Variants in SNAP25 observed in about 807,000 individuals in gnomAD.
SNAP25 encodes the protein synaptosome associated protein 25, also known as synaptosomal-associated protein 25.
A neutral mutation model predicts 28.7 loss-of-function variants in SNAP25; 3 were observed. That is an observed-to-expected ratio of 0.10 (90% CI 0.05 to 0.27). The LOEUF is 0.27. SNAP25 is among the 10% of genes least tolerant of loss of function. The pLI, the probability that SNAP25 is intolerant of heterozygous loss-of-function variation, is 1.00. For synonymous variants in SNAP25, 61 were observed against 88.1 expected (o/e 0.69, Z 1.72); for missense variants, 117 against 278.7 (o/e 0.42, Z 4.13).
chr20:10,291,001 C>A (rs2063985553), intron 4 of SNAP25, among the ~76,000 whole-genome samples: 1 of 152,116 alleles, frequency 6.6e-6, no homozygotes, highest in Non-Finnish European at 1.5e-5. Flanking sequence ...GGAGTGAAAT[C>A]CTTAGAAAAG....
rs1249345952 is a variant in SNAP25 at position 10,237,237 on chromosome 20, A to G, written c.-64+18260A>G. ...ACCTCTCTCAGAGAGAGTGTACAAC[A>G]TGCCTGGATTGCCTAACCTGAAAGG... On this transcript the variant is annotated intron_variant, in intron 1 of 7. Coordinates refer to ENST00000254976, the MANE Select transcript of SNAP25 (RefSeq NM_130811.4). Among the ~76,000 whole-genome samples the G allele has an allele frequency of 3.3e-5, 5 of 152,216 alleles. No homozygotes were observed. In the East Asian group the frequency reaches 9.7e-4, roughly 30 times the overall value.
chr20:10,269,170 G>A (rs1277043801), intron 1 of SNAP25, among the ~76,000 whole-genome samples: 3 of 152,152 alleles, frequency 2.0e-5, no homozygotes, highest in African/African-American at 7.2e-5. Context: ...GGCACTTTGG[G>A]AGGTCAGGGC....
At chr20:10,300,052 C>G (rs967622623) in intron 7 of SNAP25, among the ~76,000 whole-genome samples, 2 of 152,112 alleles carry the variant, frequency 1.3e-5, no homozygotes, top group Admixed American at 1.3e-4. Context: ...TCCAGTTTAA[C>G]AGTTCACATC....
intron 7 of SNAP25, among the ~76,000 whole-genome samples, chr20:10,299,614 T>C (rs2064187814): frequency 6.6e-6 from 1 of 152,142 alleles, no homozygotes; most frequent in Non-Finnish European, 1.5e-5. Context: ...TCAAATTTAA[T>C]CCAGCAAATA....
At chr20:10,259,772 A>T (rs1022688381) in intron 1 of SNAP25, among the ~76,000 whole-genome samples, 1 of 152,156 alleles carries the variant, frequency 6.6e-6, no homozygotes, top group Non-Finnish European at 1.5e-5. Context: ...CATGGCCTCA[A>T]GCAATCCTCC....
intron 1 of SNAP25, among the ~76,000 whole-genome samples, chr20:10,238,802 G>T (rs1423799614): frequency 7.2e-5 from 11 of 152,044 alleles, no homozygotes; most frequent in Admixed American, 7.2e-4. Context: ...CTACTCAGGA[G>T]GCTGAGGCAG....
chr20:10,243,442 T>C (rs1034198540), intron 1 of SNAP25, among the ~76,000 whole-genome samples: 2 of 152,204 alleles, frequency 1.3e-5, no homozygotes, highest in African/African-American at 2.4e-5. Context: ...AGGACCAATC[T>C]GGGGCACCAC....
chr20:10,300,944 A>C (rs1600795608), intron 7 of SNAP25, among the ~76,000 whole-genome samples: 1 of 152,302 alleles, frequency 6.6e-6, no homozygotes, highest in Non-Finnish European at 1.5e-5. Flanking sequence ...AATGAACTAA[A>C]AAATCATTGC....
intron 1 of SNAP25, among the ~76,000 whole-genome samples, chr20:10,273,223 T>TAAA (rs1376990298): frequency 6.6e-6 from 1 of 152,136 alleles, no homozygotes; most frequent in Admixed American, 6.5e-5. Flanking sequence ...ATAATAATAA[T>TAAA]AAACATGGTA....
intron 1 of SNAP25, among the ~76,000 whole-genome samples, chr20:10,243,412 T>G (rs1305933267): frequency 6.6e-6 from 1 of 152,166 alleles, no homozygotes; most frequent in African/African-American, 2.4e-5. Context: ...GCTTTTCAAT[T>G]AGTGTTTCTT....
At chr20:10,274,755 A>G (rs1200235626) in intron 1 of SNAP25, among the ~76,000 whole-genome samples, 1 of 152,166 alleles carries the variant, frequency 6.6e-6, no homozygotes, top group Non-Finnish European at 1.5e-5. Flanking sequence ...AGGCAGGAGA[A>G]TGGCGTGAAC....
intron 3 of SNAP25, among the ~76,000 whole-genome samples, chr20:10,283,836 T>C (rs1194891499): frequency 7.2e-5 from 11 of 152,164 alleles, no homozygotes; most frequent in Admixed American, 6.5e-4. Flanking sequence ...CCCTGTAAAA[T>C]GGAAGGCATT....
At chr20:10,291,507 C>T (rs2063998416) in intron 4 of SNAP25, among the ~76,000 whole-genome samples, 1 of 152,190 alleles carries the variant, frequency 6.6e-6, no homozygotes, top group Non-Finnish European at 1.5e-5. Context: ...TTTCACCTGT[C>T]ATTTCAAAAG....
rs144137358 is a variant in SNAP25, at chr20:10,249,536, C to A, written c.-63-25893C>A. ...TCCTTACAAGAAAAAAAATAACCCTCCTGTGATGGCAGAGCCTCTGTGATG... is the reference window on the plus strand; with the variant it reads ...TCCTTACAAGAAAAAAAATAACCCTACTGTGATGGCAGAGCCTCTGTGATG... On this transcript the variant is annotated intron_variant, in intron 1 of 7. Coordinates refer to ENST00000254976, the MANE Select transcript of SNAP25 (RefSeq NM_130811.4). Among the ~76,000 whole-genome samples the A allele has an allele frequency of 2.6e-5, 4 of 152,266 alleles. No individual in the cohort carries two copies. In the East Asian group the frequency reaches 7.7e-4, roughly 29 times the overall value.
At chr20:10,297,920 A>T (rs2123149150) in intron 6 of SNAP25, among the ~76,000 whole-genome samples, 1 of 152,264 alleles carries the variant, frequency 6.6e-6, no homozygotes, top group South Asian at 2.1e-4. Flanking sequence ...TGAAACCTAG[A>T]ATCAAAAGCC....
intron 1 of SNAP25, among the ~76,000 whole-genome samples, chr20:10,237,817 C>T (rs1316334823): frequency 6.6e-6 from 1 of 152,144 alleles, no homozygotes; most frequent in Non-Finnish European, 1.5e-5. Context: ...CTTTAAAGCC[C>T]AAGCTCTATC....
chr20:10,267,232 G>A (rs1005129835), intron 1 of SNAP25, among the ~76,000 whole-genome samples: 1 of 152,006 alleles, frequency 6.6e-6, no homozygotes, highest in Non-Finnish European at 1.5e-5. Context: ...GTAAGATACA[G>A]CCACAGTAAC....
chr20:10,247,206 A>T (rs1436372291), intron 1 of SNAP25, among the ~76,000 whole-genome samples: 1 of 152,202 alleles, frequency 6.6e-6, no homozygotes. Context: ...AGAGCACCCT[A>T]GTTCTTCCCA....
chr20:10,254,038 C>T (rs2063276975), intron 1 of SNAP25, among the ~76,000 whole-genome samples: 1 of 152,210 alleles, frequency 6.6e-6, no homozygotes, highest in African/African-American at 2.4e-5. Context: ...ATTGCTCAGC[C>T]TGAGCTACAA....
Sources: allele counts gnomAD v4.1 joint callset (sites outside exome capture counted in the v4.1 genomes callset), GRCh38; gene constraint gnomAD v4.1.1; transcripts MANE v1.5; gene names NCBI Gene and HGNC (gene_info 2026-07-23, HGNC 2026-07-21).